Variants in CLNK observed in about 807,000 individuals in gnomAD.
The protein encoded by CLNK is cytokine-dependent hematopoietic cell linker.
Under a neutral mutation model 68.6 loss-of-function variants are expected in CLNK, and 74 were observed. The ratio of observed to expected loss-of-function variants is 1.08; its 90% CI spans 0.89 to 1.31. The LOEUF is 1.31. Ranked by LOEUF, CLNK falls within the 50% of genes most tolerant of loss-of-function variation. CLNK has a pLI of 0.00. For synonymous variants in CLNK, 198 were observed against 172.2 expected (o/e 1.15, Z -1.17); for missense variants, 553 against 515.3 (o/e 1.07, Z -0.71).
chr4:10,606,013 A>G (rs1437862937), intron 2 of CLNK, among the ~76,000 whole-genome samples: 1 of 152,026 alleles, frequency 6.6e-6, no homozygotes, highest in East Asian at 1.9e-4. Context: ...GAGACTCTGT[A>G]TGTTTATTTT....
intron 2 of CLNK, among the ~76,000 whole-genome samples, chr4:10,628,218 T>C (rs1370896916): frequency 6.6e-6 from 1 of 152,202 alleles, no homozygotes; most frequent in Non-Finnish European, 1.5e-5. Context: ...GTCTGGTCTT[T>C]AATAATCTTC....
At chr4:10,723,863 C>T in the CLNK span, among the ~76,000 whole-genome samples, 5 of 57,340 alleles carry the variant, frequency 8.7e-5, no homozygotes, top group African/African-American at 2.2e-4. Context: ...CTGGAGAGGT[C>T]TGAGAATAAC....
At chr4:10,618,998 A>G (rs763692983) in intron 2 of CLNK, among the ~76,000 whole-genome samples, 1 of 152,236 alleles carries the variant, frequency 6.6e-6, no homozygotes, top group African/African-American at 2.4e-5. Context: ...AAGAAGGTTC[A>G]GGAGAAAAGT....
rs5856062 is a variant in CLNK, at chr4:10,578,579, C to CTTTTTTTTTTTTTTTTTTTTTTTTTTTT, written c.112+6347_112+6348insAAAAAAAAAAAAAAAAAAAAAAAAAAAA. 1.2e-3 allele frequency among the ~76,000 whole-genome samples: 52 copies of CTTTTTTTTTTTTTTTTTTTTTTTTTTTT among 44,922 alleles called. 1 individual carries two copies. Among genetic ancestry groups the CTTTTTTTTTTTTTTTTTTTTTTTTTTTT allele is most frequent in the South Asian group, 2.5e-3 (2 of 816 alleles). The allele number at this position is 44,922 out of a possible 152,430, so 29.5% of individuals were successfully genotyped here. A position where few individuals can be genotyped will look rare whatever the true frequency, so the allele number is the denominator to read the frequency against. ...TTCTCTTGGACTTGGCTTACCTTAT[C>CTTTTTTTTTTTTTTTTTTTTTTTTTTTT]TTTTTTTTTTTTTTTTTTTTTTTTT... On this transcript the variant is annotated intron_variant, in intron 4 of 18. Coordinates refer to ENST00000226951, the MANE Select transcript of CLNK (RefSeq NM_052964.4).
At chr4:10,553,635 G>A (rs930016510) in intron 8 of CLNK, among the ~76,000 whole-genome samples, 1 of 151,966 alleles carries the variant, frequency 6.6e-6, no homozygotes, top group Non-Finnish European at 1.5e-5. Flanking sequence ...TATATTTTTA[G>A]TAGAGACAGG....
chr4:10,729,882 A>G, the CLNK span, among the ~76,000 whole-genome samples: 1 of 152,228 alleles, frequency 6.6e-6, no homozygotes, highest in Non-Finnish European at 1.5e-5. Context: ...ATCACAAAAG[A>G]TGCATGTTGG....
intron 11 of CLNK, among the ~76,000 whole-genome samples, chr4:10,538,389 A>C (rs2108806944): frequency 6.6e-6 from 1 of 152,364 alleles, no homozygotes; most frequent in East Asian, 1.9e-4. Flanking sequence ...TCGGTCTCCC[A>C]AAGTGTTAGG....
intron 11 of CLNK, among the ~76,000 whole-genome samples, chr4:10,540,193 C>G (rs1024273983): frequency 1.3e-5 from 2 of 152,152 alleles, no homozygotes; most frequent in African/African-American, 4.8e-5. Flanking sequence ...TTATACAGGG[C>G]TCTTCGCCAT....
chr4:10,664,554 G>C (rs1237424332), intron 2 of CLNK, among the ~76,000 whole-genome samples: 1 of 152,198 alleles, frequency 6.6e-6, no homozygotes, highest in Admixed American at 6.5e-5. Flanking sequence ...GTGCCAGGAA[G>C]GAAACGGTGC....
chr4:10,640,758 G>A (rs1441527070), intron 2 of CLNK, among the ~76,000 whole-genome samples: 1 of 152,218 alleles, frequency 6.6e-6, no homozygotes, highest in East Asian at 1.9e-4. Flanking sequence ...CTTCTCCCAA[G>A]CACCGCAGGC....
chr4:10,641,992 A>C (rs77515346), intron 2 of CLNK, among the ~76,000 whole-genome samples: 6,405 of 152,162 alleles, frequency 0.042, 343 homozygotes, highest in African/African-American at 0.12. Flanking sequence ...CTCCCCAGCT[A>C]TGTGGAACTG....
At chr4:10,678,760 T>C (rs1724971074) in intron 1 of CLNK, among the ~76,000 whole-genome samples, 1 of 152,120 alleles carries the variant, frequency 6.6e-6, no homozygotes, top group African/African-American at 2.4e-5. Context: ...AAATCATGAG[T>C]GAACTCCCAT....
In CLNK at chr4:10,492,461, G is replaced by A. The variant is rs369686083; in HGVS notation, c.1141-1848C>T. On this transcript the variant is annotated intron_variant, in intron 18 of 18. Transcript: ENST00000226951. ...GAGATTGGCCAGTTAGGACCTCACA[G>A]GGATGACGTTCTGTTGGGAGCAGGC... Among the ~76,000 whole-genome samples, 6 of 152,296 alleles carry A rather than the reference G, an allele frequency of 3.9e-5. No individual in the cohort carries two copies. The South Asian group carries it at 1.2e-3, about 32-fold the overall frequency.
At chr4:10,733,885 C>T in the CLNK span, among the ~76,000 whole-genome samples, 15 of 152,338 alleles carry the variant, frequency 9.8e-5, no homozygotes, top group East Asian at 2.9e-3. Flanking sequence ...ACATAAGTGC[C>T]ATTCTCCTGA....
In CLNK at chr4:10,584,975, C is replaced by T. The variant is rs1180654115; in HGVS notation, c.84-20G>A. 1.2e-6 allele frequency: 2 copies of T among 1,613,312 alleles called. No homozygotes were observed. The highest frequency in any genetic ancestry group is 1.1e-5 in the South Asian group (1 of 90,836). Reference sequence around the variant, plus strand: ...CATGACCTAGGGCAGAAAAGAGAACCAAGTTAAATGTCCATTGCTCCACCT... The same window carrying T: ...CATGACCTAGGGCAGAAAAGAGAACTAAGTTAAATGTCCATTGCTCCACCT... On this transcript the variant is annotated intron_variant, in intron 3 of 18. Transcript: ENST00000226951.
chr4:10,568,894 T>G (rs1458167199), intron 5 of CLNK, among the ~76,000 whole-genome samples: 1 of 152,206 alleles, frequency 6.6e-6, no homozygotes, highest in African/African-American at 2.4e-5. Context: ...TCTGTGGGGA[T>G]GTGACATCAC....
intron 8 of CLNK, among the ~76,000 whole-genome samples, chr4:10,551,420 T>TAC (rs1491507741): frequency 1.2e-5 from 1 of 83,402 alleles, no homozygotes; most frequent in Admixed American, 1.0e-4. Context: ...AATTTTTTTG[T>TAC]ATATATATAT....
chr4:10,504,276 A>T (rs1430981367), intron 17 of CLNK, among the ~76,000 whole-genome samples: 1 of 151,314 alleles, frequency 6.6e-6, no homozygotes, highest in East Asian at 2.0e-4. Context: ...GCCCGCCACC[A>T]CGCCCGGCTA....
Position 10,537,838 on chromosome 4 carries a change from G to A in CLNK, c.602+2656C>T, listed in dbSNP as rs549961325. On this transcript the variant is annotated intron_variant, in intron 11 of 18. Transcript: ENST00000226951. ...TCTTCTTCTTTTCCTGTGCTGTGAC[G>A]GATATTATCCTAGGCACTTTACAGG... Among the ~76,000 whole-genome samples, 13 of 146,454 alleles carry A rather than the reference G, an allele frequency of 8.9e-5. No individual in the cohort carries two copies. In the South Asian group the frequency reaches 2.4e-3, roughly 27 times the overall value.
Sources: allele counts gnomAD v4.1 joint callset (sites outside exome capture counted in the v4.1 genomes callset), GRCh38; gene constraint gnomAD v4.1.1; transcripts MANE v1.5; gene names NCBI Gene and HGNC (gene_info 2026-07-23, HGNC 2026-07-21).